The following STAM2 variants were observed in gnomAD, a reference collection of about 807,000 sequenced individuals.
STAM2 encodes signal transducing adaptor molecule 2.
Under a neutral mutation model 65.6 loss-of-function variants are expected in STAM2, and 51 were observed. The observed-to-expected ratio is 0.78, with a 90% CI of 0.62 to 0.98. The LOEUF is 0.98. STAM2 is among the 50% of genes least tolerant of loss of function. The probability of loss-of-function intolerance (pLI) is 0.00; values close to 1 mark genes in which losing one functional copy is unlikely to be tolerated. For synonymous variants in STAM2, 198 were observed against 208.4 expected, an observed-to-expected ratio of 0.95 and a Z score of 0.43; for missense variants, 584 against 617.8, an observed-to-expected ratio of 0.95 and a Z score of 0.58.
At chr2:152,138,612 T>A (rs1689194918) in intron 7 of STAM2, among the ~76,000 whole-genome samples, 1 of 152,242 alleles carries the variant, frequency 6.6e-6, no homozygotes, top group African/African-American at 2.4e-5. Context: ...ATGGATGAAT[T>A]AATGTCTATG....
intron 7 of STAM2, among the ~76,000 whole-genome samples, chr2:152,139,042 C>T (rs1464636716): frequency 1.3e-5 from 2 of 152,106 alleles, no homozygotes; most frequent in African/African-American, 4.8e-5. Context: ...TCCTTCCCAG[C>T]CCTAATCCAG....
intron 11 of STAM2, among the ~76,000 whole-genome samples, chr2:152,130,338 G>A (rs531327777): frequency 8.6e-5 from 13 of 151,844 alleles, no homozygotes; most frequent in Non-Finnish European, 1.6e-4. Flanking sequence ...TGCAAGCTCC[G>A]CCTCCTGGGT....
chr2:152,144,829 G>A lies in STAM2; in HGVS notation c.517+59C>T, dbSNP rs990171156. On this transcript the variant is annotated intron_variant, in intron 6 of 13. Transcript: ENST00000263904. ...TGGGATTACAGGCGTGAGCCACCGC[G>A]CCCAGCCCTGGCAAAGATATTTTAA... The A allele has an allele frequency of 2.5e-5, 37 of 1,476,176 alleles. 1 individual carries two copies. Among genetic ancestry groups the A allele is most frequent in the South Asian group, 3.4e-5 (3 of 87,866 alleles). 91.4% of individuals were successfully genotyped at this position (1,476,176 alleles called of 1,614,324 possible). A position where few individuals can be genotyped will look rare whatever the true frequency, so the allele number is the denominator to read the frequency against.
chr2:152,130,125 T>C (rs1276221622), intron 11 of STAM2, among the ~76,000 whole-genome samples: 1 of 152,232 alleles, frequency 6.6e-6, no homozygotes, highest in Non-Finnish European at 1.5e-5. Context: ...ATCCCTTGTT[T>C]TCCTTTCACT....
At chr2:152,171,091 T>G (rs192049818) in intron 1 of STAM2, among the ~76,000 whole-genome samples, 1 of 152,316 alleles carries the variant, frequency 6.6e-6, no homozygotes, top group East Asian at 1.9e-4. Flanking sequence ...TATAGTATAT[T>G]TGTAAGTGTA....
intron 1 of STAM2, 132 bp downstream of exon 1, chr2:152,175,471 G>A (rs1006113984): frequency 5.9e-6 from 7 of 1,190,350 alleles, no homozygotes; most frequent in East Asian, 2.5e-5. Context: ...TCGAAGGAGC[G>A]GGCGGCACCG....
At position 152,168,526 on chromosome 2, in the gene STAM2, C is replaced by T. The variant is rs1207623732; in HGVS notation, c.40+7077G>A. Among the ~76,000 whole-genome samples the T allele has an allele frequency of 3.3e-5, 5 of 152,280 alleles. No homozygotes were observed. The East Asian group carries it at 7.7e-4, about 24-fold the overall frequency. On this transcript the variant is annotated intron_variant, in intron 1 of 13. Transcript: ENST00000263904. Reference sequence around the variant, plus strand: ...ACAAAAGCCATGCTAGAGACACATCCACCTAACTACACTGCTATAGTATTA... The same window carrying T: ...ACAAAAGCCATGCTAGAGACACATCTACCTAACTACACTGCTATAGTATTA...
intron 13 of STAM2, among the ~76,000 whole-genome samples, chr2:152,122,076 A>ATGTGTGTGTGTG (rs997181475): frequency 4.8e-5 from 5 of 103,706 alleles, no homozygotes; most frequent in Non-Finnish European, 1.0e-4. Context: ...ATATATATAT[A>ATGTGTGTGTGTG]TGTGTGTGTG....
At chr2:152,166,663 T>C (rs1689792332) in intron 1 of STAM2, among the ~76,000 whole-genome samples, 2 of 152,188 alleles carry the variant, frequency 1.3e-5, no homozygotes, top group African/African-American at 2.4e-5. Context: ...TAATAAGGTA[T>C]TAATGTTTGA....
intron 7 of STAM2, 80 bp from the exon 8 acceptor site, chr2:152,135,683 A>G: frequency 1.1e-6 from 1 of 951,512 alleles, no homozygotes; most frequent in Non-Finnish European, 1.6e-6. Context: ...AATTAAATTT[A>G]GCCTCCTTTG....
intron 1 of STAM2, among the ~76,000 whole-genome samples, chr2:152,167,955 G>A (rs957470956): frequency 3.3e-5 from 5 of 151,326 alleles, no homozygotes; most frequent in African/African-American, 7.3e-5. Flanking sequence ...TTTAACTTAA[G>A]ACAAAATGAA....
intron 1 of STAM2, among the ~76,000 whole-genome samples, chr2:152,173,751 T>C (rs531540930): frequency 6.6e-6 from 1 of 152,344 alleles, no homozygotes; most frequent in Non-Finnish European, 1.5e-5. Flanking sequence ...AAAAACGTAA[T>C]ATATAATTTT....
intron 1 of STAM2, among the ~76,000 whole-genome samples, chr2:152,172,536 A>G (rs527709416): frequency 6.6e-6 from 1 of 152,226 alleles, no homozygotes; most frequent in South Asian, 2.1e-4. Flanking sequence ...TACATTAGCA[A>G]AAGGTGGTTA....
Position 152,173,689 on chromosome 2 carries a change from G to A in STAM2, c.40+1914C>T, listed in dbSNP as rs369627852. On this transcript the variant is annotated intron_variant, in intron 1 of 13. Coordinates refer to ENST00000263904, the MANE Select transcript of STAM2 (RefSeq NM_005843.6). ...TGGGATTACAGGCGTGAGCCGCTGC[G>A]CCTGACCCTTGCTTTGTATTAACGA... Among the ~76,000 whole-genome samples the A allele has an allele frequency of 4.6e-5, 7 of 152,230 alleles. 1 individual carries two copies. The East Asian group carries it at 7.7e-4, about 17-fold the overall frequency.
At chr2:152,124,104 C>A (rs1243686443) in intron 12 of STAM2, 169 bp from the exon 13 acceptor site, 1 of 584,482 alleles carries the variant, frequency 1.7e-6, no homozygotes, top group African/African-American at 1.9e-5. Flanking sequence ...TGTCAAATCA[C>A]AGTGCCAAAT....
chr2:152,118,101 C>A lies in STAM2; in HGVS notation c.*2473G>T, dbSNP rs1688782925. 1 of 151,878 alleles carries A rather than the reference C, an allele frequency of 6.6e-6. No homozygotes were observed. The highest frequency in any genetic ancestry group is 6.6e-5 in the Admixed American group (1 of 15,242). The allele number at this position is 151,878 out of a possible 1,614,324, so 9.4% of individuals were successfully genotyped here. A position where few individuals can be genotyped will look rare whatever the true frequency, so the allele number is the denominator to read the frequency against. On this transcript the variant is annotated 3_prime_UTR_variant, in exon 14 of 14. Coordinates refer to ENST00000263904, the MANE Select transcript of STAM2 (RefSeq NM_005843.6). ...TTTTCAGGAATTCTTTCTGATGTAC[C>A]AAGATTTCATATGAAAAAGCAGAAG...
At chr2:152,150,345 G>C (rs1014817240) in intron 1 of STAM2, 116 bp from the exon 2 acceptor site, 1 of 595,060 alleles carries the variant, frequency 1.7e-6, no homozygotes, top group Non-Finnish European at 2.9e-6. Flanking sequence ...AGATACTACA[G>C]ACGACCTTCA....
intron 12 of STAM2, 145 bp from the exon 13 acceptor site, chr2:152,124,080 TA>T: frequency 1.5e-6 from 1 of 665,802 alleles, no homozygotes. Flanking sequence ...ATCTTAGAAC[TA>T]AAAGTGGAGA....
chr2:152,144,570 C>G (rs924641932), intron 6 of STAM2, among the ~76,000 whole-genome samples: 1 of 152,124 alleles, frequency 6.6e-6, no homozygotes, highest in Non-Finnish European at 1.5e-5. Context: ...GATGGAGTCT[C>G]ACTCCATCGC....
Sources: allele counts gnomAD v4.1 joint callset (sites outside exome capture counted in the v4.1 genomes callset), GRCh38; gene constraint gnomAD v4.1.1; transcripts MANE v1.5; gene names NCBI Gene and HGNC (gene_info 2026-07-23, HGNC 2026-07-21).